Variants in TPRX1 observed in about 807,000 individuals in gnomAD.
TPRX1 encodes tetra-peptide repeat homeobox protein 1.
Under a neutral mutation model 8.1 loss-of-function variants are expected in TPRX1, and 2 were observed. That is an observed-to-expected ratio of 0.25 (90% CI 0.10 to 0.78). The LOEUF (loss-of-function observed/expected upper bound fraction) is 0.78. TPRX1 is among the 30% of genes least tolerant of loss of function. TPRX1 has a pLI of 0.70. For synonymous variants in TPRX1, 257 were observed against 254.1 expected, an observed-to-expected ratio of 1.01 and a Z score of -0.11; for missense variants, 517 against 586.9, an observed-to-expected ratio of 0.88 and a Z score of 1.23.
intron 2 of TPRX1, among the ~76,000 whole-genome samples, chr19:47,806,247 G>A (rs977790240): frequency 2.0e-5 from 3 of 150,920 alleles, no homozygotes; most frequent in Admixed American, 6.6e-5. Context: ...GGCTGGGCAC[G>A]GTGGCTCACG....
At chr19:47,802,320 T>TCTGAGC in exon 4 of TPRX1, 1 of 1,479,910 alleles carries the variant, frequency 6.8e-7, no homozygotes, top group East Asian at 2.6e-5. Context: ...GGGCCTGAGA[T>TCTGAGC]TGGGCCTGGG....
At chr19:47,807,568 T>C (rs970646491) in intron 2 of TPRX1, among the ~76,000 whole-genome samples, 1 of 152,100 alleles carries the variant, frequency 6.6e-6, no homozygotes, top group African/African-American at 2.4e-5. Flanking sequence ...AGATGGGGTT[T>C]CACCATGTTA....
At chr19:47,807,911 A>G (rs1477132353) in intron 2 of TPRX1, among the ~76,000 whole-genome samples, 3 of 151,842 alleles carry the variant, frequency 2.0e-5, no homozygotes, top group South Asian at 2.1e-4. Context: ...AAAGGATGAA[A>G]TGTGTATAGT....
chr19:47,811,556 T>C (rs886576238), intron 2 of TPRX1, among the ~76,000 whole-genome samples: 2 of 148,530 alleles, frequency 1.3e-5, no homozygotes, highest in African/African-American at 5.0e-5. Flanking sequence ...TAGAGTACAG[T>C]GGCGCGATCT....
At chr19:47,810,298 T>A (rs1967770951) in intron 2 of TPRX1, among the ~76,000 whole-genome samples, 1 of 146,884 alleles carries the variant, frequency 6.8e-6, no homozygotes, top group African/African-American at 2.5e-5. Context: ...CTTATTTGAT[T>A]CCTTCAGAAC....
exon 4 of TPRX1, chr19:47,802,015 G>GGGGGCT (rs1456334329): frequency 4.3e-6 from 7 of 1,612,336 alleles, no homozygotes; most frequent in South Asian, 1.1e-5. Context: ...GAGGCCATAA[G>GGGGGCT]GGGGCTGGGG....
intron 2 of TPRX1, among the ~76,000 whole-genome samples, chr19:47,811,496 C>CT (rs34677329): frequency 0.26 from 31,225 of 118,486 alleles, 5,023 homozygotes; most frequent in Middle Eastern, 0.35. Context: ...TTCATGGCAA[C>CT]TTTTTTTTTT....
intron 2 of TPRX1, among the ~76,000 whole-genome samples, chr19:47,813,706 G>T (rs1311857023): frequency 1.3e-5 from 2 of 149,554 alleles, no homozygotes; most frequent in Non-Finnish European, 3.0e-5. Context: ...CCCTTCCAGG[G>T]TCTGACAAGC....
rs201507309 is a variant in TPRX1 at position 47,818,388 on chromosome 19, CTCCA to C, written c.151+76_151+79del. Reference sequence around the variant, plus strand: ...TCCATCATCCATCACCCATCCATCCCTCCATCCATCCATCCATCCATCCATCCCT... The same window carrying C: ...TCCATCATCCATCACCCATCCATCCCTCCATCCATCCATCCATCCATCCCT... On this transcript the variant is annotated intron_variant, in intron 2 of 3. Transcript: ENST00000535759. The C allele has an allele frequency of 6.5e-3, 2,242 of 342,816 alleles. 122 individuals carry two copies. Among genetic ancestry groups the C allele is most frequent in the African/African-American group, 0.047 (1,799 of 38,208 alleles). 21.2% of individuals were successfully genotyped at this position (342,816 alleles called of 1,614,324 possible).
exon 4 of TPRX1, chr19:47,801,854 T>C: frequency 6.2e-7 from 1 of 1,614,062 alleles, no homozygotes; most frequent in Non-Finnish European, 8.5e-7. Context: ...AGACCCTGAG[T>C]GTTTTTTGCC....
rs182312915 is a variant in TPRX1, at chr19:47,815,447, C to G, written c.151+3021G>C. Among the ~76,000 whole-genome samples, 8 of 149,360 alleles carry G rather than the reference C, an allele frequency of 5.4e-5. 1 individual carries two copies. Among genetic ancestry groups the G allele is most frequent in the Admixed American group, 4.0e-4 (6 of 14,984 alleles). On this transcript the variant is annotated intron_variant, in intron 2 of 3. Coordinates refer to ENST00000535759, the Ensembl canonical transcript of TPRX1. Reference sequence around the variant, plus strand: ...GGATTACAGGCATGAGCCACCGCACCTGGCTCAAAGAATACTTTAAGTAAA... The same window carrying G: ...GGATTACAGGCATGAGCCACCGCACGTGGCTCAAAGAATACTTTAAGTAAA...
At position 47,816,505 on chromosome 19, in the gene TPRX1, C is replaced by A. The variant is rs144844204; in HGVS notation, c.151+1963G>T. 7.5e-3 allele frequency among the ~76,000 whole-genome samples: 1,129 copies of A among 150,240 alleles called. 16 individuals carry two copies. Among genetic ancestry groups the A allele is most frequent in the African/African-American group, 0.025 (1,039 of 40,984 alleles). ...TCCATAGCCTCAAATGATCCTCCTG[C>A]CTTGGCCTCCCAAACCCCTGGGAAT... On this transcript the variant is annotated intron_variant, in intron 2 of 3. Transcript: ENST00000535759.
At chr19:47,814,547 T>C (rs1163097846) in intron 2 of TPRX1, among the ~76,000 whole-genome samples, 1 of 152,022 alleles carries the variant, frequency 6.6e-6, no homozygotes, top group Non-Finnish European at 1.5e-5. Context: ...CTACTCACTC[T>C]CCCCTCTCTG....
chr19:47,806,829 T>C (rs1320514170), intron 2 of TPRX1, among the ~76,000 whole-genome samples: 4 of 152,120 alleles, frequency 2.6e-5, no homozygotes, highest in South Asian at 4.1e-4. Flanking sequence ...GAGATAGCTA[T>C]TGGGGACGGT....
At chr19:47,806,907 A>AT (rs944832239) in intron 2 of TPRX1, among the ~76,000 whole-genome samples, 4,170 of 147,804 alleles carry the variant, frequency 0.028, 188 homozygotes, top group African/African-American at 0.091. Context: ...AGACGATTTA[A>AT]TTTTTTTTTT....
At chr19:47,803,174 G>A (rs1027032918) in intron 3 of TPRX1, among the ~76,000 whole-genome samples, 194 bp from the exon 3 acceptor site, 1 of 151,952 alleles carries the variant, frequency 6.6e-6, no homozygotes, top group Non-Finnish European at 1.5e-5. Context: ...AGGGGGAGGA[G>A]GGTGGGGTGG....
At chr19:47,806,162 C>T (rs934700366) in intron 2 of TPRX1, among the ~76,000 whole-genome samples, 10 of 151,898 alleles carry the variant, frequency 6.6e-5, no homozygotes, top group Middle Eastern at 3.4e-3. Context: ...GCGGAGGCTA[C>T]AGGGAGTGGA....
intron 2 of TPRX1, among the ~76,000 whole-genome samples, chr19:47,816,749 G>A (rs1022188693): frequency 3.3e-5 from 5 of 150,970 alleles, no homozygotes; most frequent in East Asian, 3.9e-4. Flanking sequence ...AGCCAGGATG[G>A]TCTCGATCTC....
exon 4 of TPRX1, chr19:47,801,458 G>T (rs1967662249): frequency 7.3e-6 from 2 of 274,100 alleles, no homozygotes; most frequent in South Asian, 2.0e-4. Context: ...ACAATCCTAA[G>T]TGTTGGGGAA....
Sources: gnomAD v4.1 joint callset for allele counts (sites outside exome capture counted in the v4.1 genomes callset) on GRCh38, gnomAD v4.1.1 for gene constraint, MANE v1.5 for transcripts, NCBI Gene and HGNC (gene_info 2026-07-23, HGNC 2026-07-21) for gene names.